BARHL1: variants seen among roughly 807,000 people sequenced by gnomAD.
BARHL1 encodes barH-like 1 homeobox protein.
In BARHL1, 2 loss-of-function variants were observed where a neutral mutation model predicts 20.1. That is an observed-to-expected ratio of 0.10 (90% CI 0.04 to 0.31). BARHL1 has a LOEUF of 0.31. BARHL1 is among the 10% of genes least tolerant of loss of function. The pLI is 1.00. For missense variants in BARHL1, 397 were observed against 454.0 expected, an observed-to-expected ratio of 0.87 and a Z score of 1.14; for synonymous variants, 213 against 209.9, an observed-to-expected ratio of 1.01 and a Z score of -0.13.
rs1830154103 is a variant in BARHL1, at chr9:132,587,274, G to A, written c.467-55G>A. On this transcript the variant is annotated intron_variant, in intron 1 of 2. Transcript: ENST00000263610. This position sits in a 1 kb window ranked among gnomAD's most constrained non-coding sequence, Gnocchi z 5.5. Reference sequence around the variant, plus strand: ...ACACAAACGCCACGGGCAGGAGCGGGAGGGCACCGGCGGCGGCTGCGAGGC... The same window carrying A: ...ACACAAACGCCACGGGCAGGAGCGGAAGGGCACCGGCGGCGGCTGCGAGGC... The A allele has an allele frequency of 5.4e-6, 8 of 1,483,990 alleles. No homozygotes were observed. The highest frequency in any genetic ancestry group is 3.7e-5 in the South Asian group (3 of 81,418). 91.9% of individuals were successfully genotyped at this position (1,483,990 alleles called of 1,614,324 possible). A position where few individuals can be genotyped will look rare whatever the true frequency, so the allele number is the denominator to read the frequency against.
chr9:132,588,279 C>A (rs1356140148), intron 2 of BARHL1, among the ~76,000 whole-genome samples: 3 of 152,176 alleles, frequency 2.0e-5, no homozygotes, highest in Non-Finnish European at 1.5e-5. Context: ...TGCAGTCACA[C>A]ACGCACGCAC....
In BARHL1 at chr9:132,582,975, G is replaced by A. The variant is rs777487402; in HGVS notation, c.178G>A (p.Glu60Lys). The change falls in exon 1 of 3, where the codon GAG (glutamate) becomes AAG (lysine). Residue 60 changes from glutamate (E) to lysine (K), a missense_variant. Glu to Lys is a moderately conservative substitution (Grantham distance 56). Transcript: ENST00000263610. ...SPASPGRDCL[E>K]TGTPRPGGAS... ...AGCCTCTCCAGGAAGGGACTGTTTGGAGACGGGGACCCCACGGCCTGGCGG... is the reference window on the plus strand; with the variant it reads ...AGCCTCTCCAGGAAGGGACTGTTTGAAGACGGGGACCCCACGGCCTGGCGG... 1.2e-6 allele frequency: 2 copies of A among 1,613,898 alleles called. No individual in the cohort carries two copies.
At chr9:132,584,134 G>GAAGGAAGA (rs1830103697) in intron 1 of BARHL1, among the ~76,000 whole-genome samples, 1 of 144,272 alleles carries the variant, frequency 6.9e-6, no homozygotes, top group Non-Finnish European at 1.5e-5. Flanking sequence ...AGGAAGGAAG[G>GAAGGAAGA]AAGGAAGGAA....
chr9:132,582,891 T>C lies in BARHL1; in HGVS notation c.94T>C (p.Cys32Arg). ...CAAGGGGGACCCCTTGCTCGGGGAC[T>C]GCCGTTCGCCCCTGGAGCTGAGTCC... The part of the protein sequence containing the change: ...LPKGDPLLGD[C>R]RSPLELSPRS... The change falls in exon 1 of 3, where the codon TGC becomes CGC. Residue 32 changes from cysteine to arginine, a missense_variant. Around this residue, in one of 3 missense-constraint regions of BARHL1, gnomAD observed 272 missense variants for 298.7 expected, o/e 0.91. Transcript: ENST00000263610. The C allele has an allele frequency of 6.2e-7, 1 of 1,613,216 alleles. No individual in the cohort carries two copies. Among genetic ancestry groups the C allele is most frequent in the Non-Finnish European group, 8.5e-7 (1 of 1,179,902 alleles).
At position 132,583,252 on chromosome 9, in the gene BARHL1, CTG is replaced by C. The variant is rs774311816; in HGVS notation, c.456_457del (p.Glu153ValfsTer2). On this transcript the variant is annotated frameshift_variant, in exon 1 of 3. Transcript: ENST00000263610. LOFTEE classifies it high-confidence loss of function. ...AGTGGCAGCAACGCCTCATCGGACT[CTG>C]AGTATAAAGGTAAGAAAGCAGGAGG... 1 of 1,611,154 alleles carries C rather than the reference CTG, an allele frequency of 6.2e-7. No individual in the cohort carries two copies. Among genetic ancestry groups the C allele is most frequent in the Non-Finnish European group, 8.5e-7 (1 of 1,178,544 alleles).
chr9:132,585,809 G>C (rs1830137793), intron 1 of BARHL1, among the ~76,000 whole-genome samples: 1 of 152,216 alleles, frequency 6.6e-6, no homozygotes, highest in African/African-American at 2.4e-5. Flanking sequence ...AATACCTCCC[G>C]ACCTCCAACG....
Position 132,587,429 on chromosome 9 carries a change from G to C in BARHL1, c.567G>C (p.Gln189His), listed in dbSNP as rs1326151544. The change falls in exon 2 of 3, where the codon CAG (glutamine) becomes CAC (histidine). Residue 189 changes from glutamine to histidine, a missense_variant. Around this residue, in one of 3 missense-constraint regions of BARHL1, gnomAD observed 272 missense variants for 298.7 expected, o/e 0.91. Coordinates refer to ENST00000263610, the MANE Select transcript of BARHL1 (RefSeq NM_020064.4). The surrounding 1 kb of genome is among the most constrained non-coding windows in gnomAD (Gnocchi z 5.5). The part of the protein sequence containing the change: ...RKARTAFTDH[Q>H]LAQLERSFER... ...CGCGCACGGCCTTCACCGACCATCAGCTGGCGCAGCTGGAGCGCAGCTTCG... is the reference window on the plus strand; with the variant it reads ...CGCGCACGGCCTTCACCGACCATCACCTGGCGCAGCTGGAGCGCAGCTTCG... The C allele has an allele frequency of 1.2e-6, 2 of 1,612,528 alleles. No individual in the cohort carries two copies. The highest frequency in any genetic ancestry group is 1.7e-6 in the Non-Finnish European group (2 of 1,179,732).
At position 132,587,107 on chromosome 9, in the gene BARHL1, G is replaced by C. The variant is rs531443929; in HGVS notation, c.467-222G>C. Among the ~76,000 whole-genome samples the C allele has an allele frequency of 6.6e-6, 1 of 152,364 alleles. No homozygotes were observed. The highest frequency in any genetic ancestry group is 2.1e-4 in the South Asian group (1 of 4,834). On this transcript the variant is annotated intron_variant, in intron 1 of 2. Coordinates refer to ENST00000263610, the MANE Select transcript of BARHL1 (RefSeq NM_020064.4). The surrounding 1 kb of genome is among the most constrained non-coding windows in gnomAD (Gnocchi z 5.5). ...TTCTTTCTCCCCGGAGCTGCCCGGGGGGTCTCGGCCTCGGGCGCTCCCGCC... is the reference window on the plus strand; with the variant it reads ...TTCTTTCTCCCCGGAGCTGCCCGGGCGGTCTCGGCCTCGGGCGCTCCCGCC...
rs1380625226 is a variant in BARHL1, at chr9:132,587,078, C to T, written c.467-251C>T. The stretch of plus-strand genomic sequence containing the variant: ...CAGGGACTGGAGTTCTCGCCAGCTT[C>T]GGGTTCTTTCTCCCCGGAGCTGCCC... On this transcript the variant is annotated intron_variant, in intron 1 of 2. Coordinates refer to ENST00000263610, the MANE Select transcript of BARHL1 (RefSeq NM_020064.4). This position sits in a 1 kb window ranked among gnomAD's most constrained non-coding sequence, Gnocchi z 5.5. 2.6e-5 allele frequency among the ~76,000 whole-genome samples: 4 copies of T among 152,354 alleles called. No individual in the cohort carries two copies. In the East Asian group the frequency reaches 7.7e-4, roughly 29 times the overall value.
rs1589938675 is a variant in BARHL1 at position 132,587,626 on chromosome 9, G to C, written c.689+75G>C. 10 of 1,421,544 alleles carry C rather than the reference G, an allele frequency of 7.0e-6. No homozygotes were observed. In the East Asian group the frequency reaches 2.5e-4, roughly 35 times the overall value. The allele number at this position is 1,421,544 out of a possible 1,614,324, so 88.1% of individuals were successfully genotyped here. A position where few individuals can be genotyped will look rare whatever the true frequency, so the allele number is the denominator to read the frequency against. On this transcript the variant is annotated intron_variant, in intron 2 of 2. Coordinates refer to ENST00000263610, the MANE Select transcript of BARHL1 (RefSeq NM_020064.4). The surrounding 1 kb of genome is among the most constrained non-coding windows in gnomAD (Gnocchi z 5.5). ...TCACAGCTCCTGGAGGGGACCAGGAGTCTACAGGTTGGTGCTAAGGGAGGG... is the reference window on the plus strand; with the variant it reads ...TCACAGCTCCTGGAGGGGACCAGGACTCTACAGGTTGGTGCTAAGGGAGGG...
intron 1 of BARHL1, among the ~76,000 whole-genome samples, chr9:132,584,136 AGGAAG>A (rs1027098175): frequency 6.6e-6 from 1 of 150,624 alleles, no homozygotes; most frequent in African/African-American, 2.5e-5. Context: ...GAAGGAAGGA[AGGAAG>A]GAAGGAAGGA....
At chr9:132,584,882 G>A (rs943927696) in intron 1 of BARHL1, among the ~76,000 whole-genome samples, 2 of 152,202 alleles carry the variant, frequency 1.3e-5, no homozygotes, top group African/African-American at 4.8e-5. Context: ...GAAGGAGGGG[G>A]AAGTCAATGT....
Position 132,587,339 on chromosome 9 carries a change from G to A in BARHL1, c.477G>A (p.Glu159=), listed in dbSNP as rs1235586896. 4 of 1,604,162 alleles carry A rather than the reference G, an allele frequency of 2.5e-6. No individual in the cohort carries two copies. The East Asian group carries it at 9.0e-5, about 36-fold the overall frequency. ...CCGCTGTGTCCGCAGTGAAGGAGGA[G>A]GGCGACCGCGAGATCTCCAGCTCCA... The part of the protein sequence containing the change: ...SSDSEYKVKE[E]GDREISSSRD... The change falls in exon 2 of 3, where the codon GAG becomes GAA. Residue 159 remains glutamate (E), a synonymous_variant. Coordinates refer to ENST00000263610, the MANE Select transcript of BARHL1 (RefSeq NM_020064.4). The surrounding 1 kb of genome is among the most constrained non-coding windows in gnomAD (Gnocchi z 5.5).
At chr9:132,588,580 G>C (rs1298151698) in intron 2 of BARHL1, among the ~76,000 whole-genome samples, 2 of 152,098 alleles carry the variant, frequency 1.3e-5, no homozygotes, top group Non-Finnish European at 2.9e-5. Context: ...ACCCCAGGCC[G>C]TTGGCTGGCC....
Position 132,587,397 on chromosome 9 carries a change from C to G in BARHL1, c.535C>G (p.Arg179Gly). ...TCCCCCGGTGCGCCTGAAAAAGCCA[C>G]GCAAGGCGCGCACGGCCTTCACCGA... is the stretch of plus-strand genomic sequence containing the variant. ...DSPPVRLKKP[R>G]KARTAFTDHQ... Residue 179 changes from arginine (R) to glycine (G), a missense_variant, in exon 2 of 3, where the codon CGC becomes GGC. Arg to Gly is a moderately radical substitution (Grantham distance 125). This residue lies in a region of BARHL1 where 272 missense variants were observed against 298.7 expected (regional missense o/e 0.91). Transcript: ENST00000263610. The surrounding 1 kb of genome is among the most constrained non-coding windows in gnomAD (Gnocchi z 5.5). 6.2e-7 allele frequency: 1 copy of G among 1,612,392 alleles called. No individual in the cohort carries two copies. The highest frequency in any genetic ancestry group is 8.5e-7 in the Non-Finnish European group (1 of 1,179,702).
At position 132,587,733 on chromosome 9, in the gene BARHL1, G is replaced by A. The variant is rs543284592; in HGVS notation, c.689+182G>A. ...GCCTTGCCCAAAGTCCCCACAGCGA[G>A]GGACAGAGATGAGACTAGACTTGGT... On this transcript the variant is annotated intron_variant, in intron 2 of 2. Transcript: ENST00000263610. The surrounding 1 kb of genome is among the most constrained non-coding windows in gnomAD (Gnocchi z 5.5). 6.6e-6 allele frequency among the ~76,000 whole-genome samples: 1 copy of A among 152,362 alleles called. No individual in the cohort carries two copies. Among genetic ancestry groups the A allele is most frequent in the Admixed American group, 6.5e-5 (1 of 15,312 alleles).
In BARHL1 at chr9:132,587,927, G is replaced by A. The variant is rs1364674658; in HGVS notation, c.689+376G>A. ...AGGCCCTTGGAGGGGTGACAGTCTTGATGCCCAGGAAGCCTGTGAAGAGGA... is the reference window on the plus strand; with the variant it reads ...AGGCCCTTGGAGGGGTGACAGTCTTAATGCCCAGGAAGCCTGTGAAGAGGA... On this transcript the variant is annotated intron_variant, in intron 2 of 2. Coordinates refer to ENST00000263610, the MANE Select transcript of BARHL1 (RefSeq NM_020064.4). The surrounding 1 kb of genome is among the most constrained non-coding windows in gnomAD (Gnocchi z 5.5). Among the ~76,000 whole-genome samples, 1 of 152,196 alleles carries A rather than the reference G, an allele frequency of 6.6e-6. No homozygotes were observed. The highest frequency in any genetic ancestry group is 1.5e-5 in the Non-Finnish European group (1 of 68,040).
At chr9:132,583,330 T>C in intron 1 of BARHL1, 67 bp downstream of exon 1, 2 of 1,392,578 alleles carry the variant, frequency 1.4e-6, no homozygotes, top group Admixed American at 2.3e-5. Context: ...TTAAAAGGAA[T>C]ACACATGGCG....
chr9:132,589,430 A>G lies in BARHL1; in HGVS notation c.892A>G (p.Ile298Val). 1 of 1,608,382 alleles carries G rather than the reference A, an allele frequency of 6.2e-7. No individual in the cohort carries two copies. The highest frequency in any genetic ancestry group is 8.5e-7 in the Non-Finnish European group (1 of 1,178,274). ...TCTCCAGAGACCTCTGGTGCCCCGC[A>G]TCCTCATCCACGGACTCCAGGGCGC... ...PALQRPLVPRILIHGLQGASE... is the reference protein window; with the variant it reads ...PALQRPLVPRVLIHGLQGASE... The change falls in exon 3 of 3, where the codon ATC (isoleucine) becomes GTC (valine). Residue 298 changes from isoleucine to valine, a missense_variant. Physicochemically the swap from Ile to Val is conservative, Grantham distance 29 (BLOSUM62 3). Around this residue, in one of 3 missense-constraint regions of BARHL1, gnomAD observed 121 missense variants for 135.9 expected, o/e 0.89. Coordinates refer to ENST00000263610, the MANE Select transcript of BARHL1 (RefSeq NM_020064.4).
Sources: gnomAD v4.1 joint callset for allele counts (sites outside exome capture counted in the v4.1 genomes callset) on GRCh38, gnomAD v4.1.1 for gene constraint, gnomAD v4.1.1 regional missense constraint, Gnocchi (gnomAD v3.1) non-coding constraint, MANE v1.5 for transcripts, NCBI Gene and HGNC (gene_info 2026-07-23, HGNC 2026-07-21) for gene names.